Variants in COL23A1 observed in about 807,000 individuals in gnomAD.
The protein encoded by COL23A1 is collagen alpha-1(XXIII) chain.
A neutral mutation model predicts 99.3 loss-of-function variants in COL23A1; 97 were observed. That is an observed-to-expected ratio of 0.98 (90% CI 0.83 to 1.16). COL23A1 has a LOEUF of 1.16. Ranked by LOEUF, COL23A1 falls within the 50% of genes most tolerant of loss-of-function variation. The pLI is 0.00. For synonymous variants in COL23A1, 320 were observed against 308.2 expected, an observed-to-expected ratio of 1.04 and a Z score of -0.40; for missense variants, 762 against 757.4, an observed-to-expected ratio of 1.01 and a Z score of -0.07.
intron 2 of COL23A1, among the ~76,000 whole-genome samples, chr5:178,338,979 G>A (rs965093995): frequency 5.9e-5 from 9 of 152,232 alleles, no homozygotes; most frequent in African/African-American, 1.9e-4. Flanking sequence ...AGGGCTGCAT[G>A]AGCCTGTGGG....
At chr5:178,401,555 C>T (rs1332213555) in intron 2 of COL23A1, among the ~76,000 whole-genome samples, 1 of 152,238 alleles carries the variant, frequency 6.6e-6, no homozygotes, top group African/African-American at 2.4e-5. Context: ...TTTACCCATT[C>T]TCCATTTGAG....
chr5:178,300,430 A>C (rs114172018), intron 3 of COL23A1, among the ~76,000 whole-genome samples: 1,853 of 151,940 alleles, frequency 0.012, 20 homozygotes, highest in Non-Finnish European at 0.018. Context: ...TCCTTTTGTC[A>C]TTTATTGAAT....
chr5:178,409,742 G>A (rs1291120199), intron 2 of COL23A1, among the ~76,000 whole-genome samples: 1 of 152,166 alleles, frequency 6.6e-6, no homozygotes, highest in East Asian at 1.9e-4. Context: ...ACTCAGAAAT[G>A]GATCCAAATA....
At chr5:178,254,373 G>A (rs1216274737) in intron 16 of COL23A1, among the ~76,000 whole-genome samples, 1 of 152,192 alleles carries the variant, frequency 6.6e-6, no homozygotes, top group East Asian at 1.9e-4. Context: ...GAGATAACTG[G>A]AAATGATGTT....
intron 8 of COL23A1, among the ~76,000 whole-genome samples, chr5:178,264,882 C>G (rs917777751): frequency 6.6e-6 from 1 of 152,176 alleles, no homozygotes; most frequent in East Asian, 1.9e-4. Context: ...CTGACCTCAA[C>G]TGATCTGCCT....
intron 3 of COL23A1, among the ~76,000 whole-genome samples, chr5:178,292,891 A>G (rs750305009): frequency 6.6e-6 from 1 of 152,180 alleles, no homozygotes; most frequent in South Asian, 2.1e-4. Flanking sequence ...CTGGAAGCAA[A>G]GTAGAGAAAG....
At chr5:178,367,669 A>C (rs990409793) in intron 2 of COL23A1, among the ~76,000 whole-genome samples, 41 of 152,240 alleles carry the variant, frequency 2.7e-4, no homozygotes, top group Admixed American at 2.6e-3. Context: ...TCTGCTGCTG[A>C]ACAGATGCAG....
In COL23A1 at chr5:178,360,476, G is replaced by A. The variant is rs150085206; in HGVS notation, c.362-53557C>T. The stretch of plus-strand genomic sequence containing the variant: ...GGAGCCAGGCTGGGCCTCATGTGGG[G>A]GGGGATGGAGGGCTGCAGTCGTGCC... On this transcript the variant is annotated intron_variant, in intron 2 of 28. Coordinates refer to ENST00000390654, the MANE Select transcript of COL23A1 (RefSeq NM_173465.4). 1.6e-4 allele frequency among the ~76,000 whole-genome samples: 24 copies of A among 152,318 alleles called. No homozygotes were observed. The East Asian group carries it at 4.6e-3, about 29-fold the overall frequency.
chr5:178,490,836 A>G (rs695075), intron 2 of COL23A1, among the ~76,000 whole-genome samples: 4,347 of 152,294 alleles, frequency 0.029, 204 homozygotes, highest in African/African-American at 0.098. Flanking sequence ...CACAGTAAAA[A>G]ATGCATATAA....
intron 2 of COL23A1, among the ~76,000 whole-genome samples, chr5:178,407,884 G>C (rs932928144): frequency 6.6e-6 from 1 of 152,194 alleles, no homozygotes. Context: ...AGAGTCCCAA[G>C]AGGAGAGGAG....
At chr5:178,477,939 T>G (rs1757120441) in intron 2 of COL23A1, among the ~76,000 whole-genome samples, 1 of 152,092 alleles carries the variant, frequency 6.6e-6, no homozygotes, top group Non-Finnish European at 1.5e-5. Context: ...AAACTAGACA[T>G]GAGAAGGCAG....
chr5:178,419,902 G>A (rs1025414659), intron 2 of COL23A1, among the ~76,000 whole-genome samples: 1 of 152,162 alleles, frequency 6.6e-6, no homozygotes, highest in Non-Finnish European at 1.5e-5. Context: ...TTTCTGTACC[G>A]CACCTCTGAT....
intron 3 of COL23A1, among the ~76,000 whole-genome samples, chr5:178,305,442 G>C (rs1758298397): frequency 6.6e-6 from 1 of 152,228 alleles, no homozygotes. Flanking sequence ...TGGTGAGCCA[G>C]CCTGGCTTCG....
At chr5:178,463,829 G>A (rs1220201516) in intron 2 of COL23A1, among the ~76,000 whole-genome samples, 1 of 152,332 alleles carries the variant, frequency 6.6e-6, no homozygotes, top group Non-Finnish European at 1.5e-5. Flanking sequence ...CACTGTGCAG[G>A]TATGAGCCCT....
chr5:178,496,324 G>GA (rs1368342472), intron 2 of COL23A1, among the ~76,000 whole-genome samples: 3 of 152,162 alleles, frequency 2.0e-5, no homozygotes, highest in African/African-American at 7.2e-5. Context: ...ACAATGAAGG[G>GA]AAAGGGAGGT....
At chr5:178,354,374 A>G (rs1332396986) in intron 2 of COL23A1, among the ~76,000 whole-genome samples, 2 of 151,952 alleles carry the variant, frequency 1.3e-5, no homozygotes, top group Non-Finnish European at 2.9e-5. Context: ...ATGCCCTGCT[A>G]ATTTTTTTTA....
At chr5:178,567,738 A>C (rs960216682) in intron 1 of COL23A1, among the ~76,000 whole-genome samples, 1 of 152,226 alleles carries the variant, frequency 6.6e-6, no homozygotes, top group African/African-American at 2.4e-5. Flanking sequence ...AGAATGGCCA[A>C]AGCTGGAACA....
intron 2 of COL23A1, among the ~76,000 whole-genome samples, chr5:178,511,131 C>T (rs73803496): frequency 0.018 from 2,798 of 152,094 alleles, 81 homozygotes; most frequent in African/African-American, 0.061. Flanking sequence ...TTTTTTCCCC[C>T]AACTTTTTCA....
rs1311188292 is a variant in COL23A1, at chr5:178,534,758, GAC to G, written c.361+25922_361+25923del. On this transcript the variant is annotated intron_variant, in intron 2 of 28. Transcript: ENST00000390654. ...CGTGCCACTGCACTCCAGCCTGGGC[GAC>G]AGAGCAAGACTCCAAAAAACAAAAA... Among the ~76,000 whole-genome samples the G allele has an allele frequency of 7.2e-5, 11 of 152,040 alleles. No individual in the cohort carries two copies. The East Asian group carries it at 2.2e-3, about 30-fold the overall frequency.
Sources: gnomAD v4.1 joint callset for allele counts (sites outside exome capture counted in the v4.1 genomes callset) on GRCh38, gnomAD v4.1.1 for gene constraint, MANE v1.5 for transcripts, NCBI Gene and HGNC (gene_info 2026-07-23, HGNC 2026-07-21) for gene names.